The following CSMD1 variants were observed in gnomAD, a reference collection of about 807,000 sequenced individuals.
The protein encoded by CSMD1 is CUB and Sushi multiple domains 1.
Under a neutral mutation model 417.5 loss-of-function variants are expected in CSMD1, and 213 were observed. The ratio of observed to expected loss-of-function variants is 0.51; its 90% CI spans 0.46 to 0.57. The LOEUF is 0.57. Ranked by LOEUF, CSMD1 falls within the 20% of genes least tolerant of loss-of-function variation. The pLI is 0.00. For missense variants in CSMD1, 6,923 were observed against 4,529.7 expected (o/e 1.53, Z -15.17); for synonymous variants, 2,862 against 1,736.8 (o/e 1.65, Z -16.11).
intron 3 of CSMD1, among the ~76,000 whole-genome samples, chr8:4,051,915 T>TTC (rs1563058913): frequency 4.0e-4 from 55 of 137,082 alleles, no homozygotes; most frequent in African/African-American, 1.5e-3. Context: ...TTCCTTCCTT[T>TTC]CTTTCTTTTT....
chr8:4,162,118 A>G (rs1317223009), intron 3 of CSMD1, among the ~76,000 whole-genome samples: 1 of 152,232 alleles, frequency 6.6e-6, no homozygotes, highest in Non-Finnish European at 1.5e-5. Context: ...ATATGGTTAC[A>G]TGATTCTAAA....
At chr8:3,329,391 G>A (rs772024808) in intron 23 of CSMD1, among the ~76,000 whole-genome samples, 1 of 152,030 alleles carries the variant, frequency 6.6e-6, no homozygotes, top group African/African-American at 2.4e-5. Flanking sequence ...ATAAGCAGGG[G>A]ACAGAAAAGA....
chr8:3,271,006 C>A (rs372753254), intron 26 of CSMD1, among the ~76,000 whole-genome samples: 2 of 151,756 alleles, frequency 1.3e-5, no homozygotes, highest in African/African-American at 2.4e-5. Flanking sequence ...TATACATGTG[C>A]CATGCTGGTG....
At chr8:4,083,172 T>A (rs930624827) in intron 3 of CSMD1, among the ~76,000 whole-genome samples, 1 of 152,056 alleles carries the variant, frequency 6.6e-6, no homozygotes, top group Non-Finnish European at 1.5e-5. Flanking sequence ...TGGTTCTAGA[T>A]CCCTGAGGAA....
intron 3 of CSMD1, among the ~76,000 whole-genome samples, chr8:4,389,512 A>C (rs1803702066): frequency 6.6e-6 from 1 of 152,196 alleles, no homozygotes; most frequent in Admixed American, 6.5e-5. Flanking sequence ...ACAAAGGATA[A>C]TATATCAGTC....
intron 28 of CSMD1, among the ~76,000 whole-genome samples, chr8:3,219,850 C>T (rs12546521): frequency 0.27 from 40,472 of 151,866 alleles, 5,549 homozygotes; most frequent in East Asian, 0.3. Context: ...TTTGAAAATA[C>T]TGGAATTTTG....
At chr8:3,092,824 C>T (rs531193837) in intron 47 of CSMD1, among the ~76,000 whole-genome samples, 1 of 152,256 alleles carries the variant, frequency 6.6e-6, no homozygotes, top group East Asian at 1.9e-4. Context: ...ATCTCATACT[C>T]GTAAAAGCGT....
At chr8:3,467,439 G>C (rs539846169) in intron 12 of CSMD1, among the ~76,000 whole-genome samples, 19 of 152,322 alleles carry the variant, frequency 1.2e-4, no homozygotes, top group Admixed American at 3.3e-4. Context: ...TCACATAAAA[G>C]TTCAATTGAA....
At chr8:4,608,325 A>C (rs1383995922) in intron 2 of CSMD1, among the ~76,000 whole-genome samples, 2 of 152,200 alleles carry the variant, frequency 1.3e-5, no homozygotes, top group Non-Finnish European at 2.9e-5. Flanking sequence ...GTGAGGAGGC[A>C]ACTACCCTGA....
intron 2 of CSMD1, among the ~76,000 whole-genome samples, chr8:4,552,188 A>G (rs973101291): frequency 6.6e-6 from 1 of 152,170 alleles, no homozygotes; most frequent in Admixed American, 6.5e-5. Flanking sequence ...CTTAAGATAC[A>G]AAGCATGCTA....
At chr8:4,451,592 A>G (rs1484721125) in intron 2 of CSMD1, among the ~76,000 whole-genome samples, 1 of 152,320 alleles carries the variant, frequency 6.6e-6, no homozygotes, top group East Asian at 1.9e-4. Context: ...CCTTAAAAAG[A>G]AGACCATTTT....
intron 3 of CSMD1, among the ~76,000 whole-genome samples, chr8:4,329,378 T>C (rs918516724): frequency 1.3e-5 from 2 of 152,112 alleles, no homozygotes; most frequent in Non-Finnish European, 2.9e-5. Context: ...AACCTCTGTC[T>C]CCCAGGTACA....
intron 5 of CSMD1, among the ~76,000 whole-genome samples, chr8:3,903,305 C>G (rs561815459): frequency 6.3e-5 from 9 of 142,014 alleles, no homozygotes; most frequent in South Asian, 2.5e-4. Context: ...TTTAGAATAT[C>G]CAGGATGAAT....
At chr8:3,010,782 C>G (rs1040798535) in intron 52 of CSMD1, among the ~76,000 whole-genome samples, 1 of 149,412 alleles carries the variant, frequency 6.7e-6, no homozygotes, top group Admixed American at 6.7e-5. Context: ...TTTGCTCTGT[C>G]ACTCAGGCTG....
rs374814473 is a variant in CSMD1 at position 4,068,072 on chromosome 8, A to G, written c.416-35973T>C. ...CTCCAGCCTGGCGACAGAGGGAGAC[A>G]ACGTCTCAAAAAAGAAAAAAAGAAA... On this transcript the variant is annotated intron_variant, in intron 3 of 69. Transcript: ENST00000635120. Among the ~76,000 whole-genome samples, 309 of 152,172 alleles carry G rather than the reference A, an allele frequency of 2.0e-3. 1 individual carries two copies. The highest frequency in any genetic ancestry group is 7.1e-3 in the African/African-American group (295 of 41,528).
At chr8:4,867,405 G>A (rs1004835663) in intron 1 of CSMD1, among the ~76,000 whole-genome samples, 1 of 152,062 alleles carries the variant, frequency 6.6e-6, no homozygotes, top group Non-Finnish European at 1.5e-5. Context: ...TTACTAAGAT[G>A]CAGAACTTAA....
At chr8:4,352,844 G>T (rs917640361) in intron 3 of CSMD1, among the ~76,000 whole-genome samples, 7 of 152,128 alleles carry the variant, frequency 4.6e-5, no homozygotes, top group African/African-American at 1.7e-4. Flanking sequence ...AACAAGATTG[G>T]ACCTGTTTCT....
At chr8:4,012,771 A>T (rs192220067) in intron 4 of CSMD1, among the ~76,000 whole-genome samples, 2 of 152,262 alleles carry the variant, frequency 1.3e-5, no homozygotes, top group Admixed American at 1.3e-4. Flanking sequence ...TCCATTTTCA[A>T]ATCTGCAATC....
intron 5 of CSMD1, among the ~76,000 whole-genome samples, chr8:3,919,792 G>C (rs985570939): frequency 6.6e-6 from 1 of 151,952 alleles, no homozygotes; most frequent in South Asian, 2.1e-4. Context: ...ATTTGTTTGT[G>C]TTTTCAATTT....
Sources: allele counts gnomAD v4.1 joint callset (sites outside exome capture counted in the v4.1 genomes callset), GRCh38; gene constraint gnomAD v4.1.1; transcripts MANE v1.5; gene names NCBI Gene and HGNC (gene_info 2026-07-23, HGNC 2026-07-21).